NCALD: variants seen among roughly 807,000 people sequenced by gnomAD.
NCALD encodes the protein neurocalcin-delta.
Under a neutral mutation model 18.6 loss-of-function variants are expected in NCALD, and 10 were observed. The observed-to-expected ratio is 0.54, with a 90% CI of 0.33 to 0.91. NCALD has a LOEUF of 0.91. Ranked by LOEUF, NCALD falls within the 40% of genes least tolerant of loss-of-function variation. NCALD has a pLI of 0.03. For synonymous variants in NCALD, 88 were observed against 87.4 expected (o/e 1.01, Z -0.04); for missense variants, 184 against 247.6 (o/e 0.74, Z 1.72).
intron 2 of NCALD, among the ~76,000 whole-genome samples, chr8:101,933,906 G>C (rs943913414): frequency 6.6e-6 from 1 of 152,184 alleles, no homozygotes; most frequent in African/African-American, 2.4e-5. Flanking sequence ...AACCCACAGA[G>C]AGACTTCATA....
intron 4 of NCALD, among the ~76,000 whole-genome samples, chr8:101,855,379 T>C (rs1815271893): frequency 1.3e-5 from 2 of 152,098 alleles, no homozygotes; most frequent in South Asian, 4.1e-4. Flanking sequence ...AAGTGAATCA[T>C]CATAAGATGA....
chr8:102,077,404 G>C (rs553925302), intron 1 of NCALD, among the ~76,000 whole-genome samples: 1 of 152,018 alleles, frequency 6.6e-6, no homozygotes, highest in African/African-American at 2.4e-5. Context: ...CAGAAAAGTA[G>C]GAAGAAATCC....
intron 1 of NCALD, among the ~76,000 whole-genome samples, chr8:102,030,958 A>T (rs756736490): frequency 3.7e-5 from 2 of 54,686 alleles, no homozygotes; most frequent in Admixed American, 2.1e-4. Flanking sequence ...GATAAATGAT[A>T]AAAAAAAAAA....
rs115547242 is a variant in NCALD, at chr8:101,995,220, T to G, written c.-157+25017A>C. Among the ~76,000 whole-genome samples the G allele has an allele frequency of 7.5e-3, 1,142 of 152,254 alleles. 13 individuals are homozygous for G. The highest frequency in any genetic ancestry group is 0.023 in the African/African-American group (943 of 41,522). ...GCTGGCAACTAAGATGCGAGAAGGATCTGAAAATTCAAACCAAAACCATAA... is the reference window on the plus strand; with the variant it reads ...GCTGGCAACTAAGATGCGAGAAGGAGCTGAAAATTCAAACCAAAACCATAA... On this transcript the variant is annotated intron_variant, in intron 2 of 6. Coordinates refer to the NCALD transcript ENST00000311028.
At chr8:101,845,347 G>A (rs1814822702) in intron 4 of NCALD, among the ~76,000 whole-genome samples, 1 of 152,180 alleles carries the variant, frequency 6.6e-6, no homozygotes, top group African/African-American at 2.4e-5. Flanking sequence ...GGCCAGAGGA[G>A]CCAACTTAAA....
intron 4 of NCALD, among the ~76,000 whole-genome samples, chr8:101,857,780 G>T (rs73280809): frequency 0.069 from 10,466 of 152,210 alleles, 760 homozygotes; most frequent in African/African-American, 0.18. Flanking sequence ...TTAAAGCAAT[G>T]AATAAGGTGG....
At chr8:101,765,654 G>A (rs1811317404) in intron 1 of NCALD, among the ~76,000 whole-genome samples, 1 of 152,148 alleles carries the variant, frequency 6.6e-6, no homozygotes, top group Non-Finnish European at 1.5e-5. Flanking sequence ...GGGAGGAGTA[G>A]GAAGGGGGAG....
At chr8:101,995,473 G>A (rs1049978622) in intron 2 of NCALD, among the ~76,000 whole-genome samples, 1 of 152,130 alleles carries the variant, frequency 6.6e-6, no homozygotes, top group Non-Finnish European at 1.5e-5. Flanking sequence ...ATATGCTTCT[G>A]GGGAGGCCTC....
At chr8:101,937,298 C>G (rs557268590) in intron 2 of NCALD, among the ~76,000 whole-genome samples, 1 of 152,168 alleles carries the variant, frequency 6.6e-6, no homozygotes, top group East Asian at 1.9e-4. Context: ...AGGTACTAAG[C>G]CCAGTAGCCA....
At chr8:101,896,295 G>C (rs1817167742) in intron 3 of NCALD, among the ~76,000 whole-genome samples, 2 of 151,962 alleles carry the variant, frequency 1.3e-5, no homozygotes, top group African/African-American at 2.4e-5. Flanking sequence ...GTGGTGCTGG[G>C]AAAACTGGCT....
intron 4 of NCALD, among the ~76,000 whole-genome samples, chr8:101,854,598 C>A (rs1409717175): frequency 1.3e-5 from 2 of 152,046 alleles, no homozygotes; most frequent in Non-Finnish European, 1.5e-5. Context: ...TAGCATAAGA[C>A]CAGAAATTGA....
chr8:101,916,876 C>T (rs1817987314), intron 2 of NCALD, among the ~76,000 whole-genome samples: 2 of 152,062 alleles, frequency 1.3e-5, no homozygotes, highest in Admixed American at 6.6e-5. Flanking sequence ...TCTAGACCTA[C>T]AAAAAGACTC....
rs939629889 is a variant in NCALD at position 101,870,461 on chromosome 8, G to A, written c.-20+16680C>T. Among the ~76,000 whole-genome samples, 4 of 152,296 alleles carry A rather than the reference G, an allele frequency of 2.6e-5. No individual in the cohort carries two copies. In the South Asian group the frequency reaches 8.3e-4, roughly 32 times the overall value. ...AAGAATAAAAATCACATAAAAGAAA[G>A]TGCACTTAATAATCTTTTTTTTGTT... On this transcript the variant is annotated intron_variant, in intron 4 of 6. Transcript: ENST00000311028.
chr8:101,771,205 G>A (rs1389613608), intron 1 of NCALD, among the ~76,000 whole-genome samples: 3 of 152,180 alleles, frequency 2.0e-5, no homozygotes, highest in Non-Finnish European at 4.4e-5. Context: ...CCTTGGCTAG[G>A]ACTGTGTCTG....
chr8:101,798,801 G>A (rs1418152122), intron 4 of NCALD, among the ~76,000 whole-genome samples: 1 of 152,138 alleles, frequency 6.6e-6, no homozygotes, highest in African/African-American at 2.4e-5. Context: ...ACTGGCATAG[G>A]GACAGACATG....
chr8:101,704,945 G>C (rs1407583099), intron 2 of NCALD, among the ~76,000 whole-genome samples: 1 of 151,230 alleles, frequency 6.6e-6, no homozygotes, highest in African/African-American at 2.4e-5. Flanking sequence ...TAAAAAATAG[G>C]CCGGGCGCGG....
At chr8:102,083,945 C>A (rs1318287683) in intron 1 of NCALD, among the ~76,000 whole-genome samples, 5 of 152,338 alleles carry the variant, frequency 3.3e-5, no homozygotes, top group African/African-American at 1.2e-4. Context: ...GGGTATGTAA[C>A]CTTGTGCATC....
intron 4 of NCALD, among the ~76,000 whole-genome samples, chr8:101,870,405 T>C (rs1815956345): frequency 1.3e-5 from 2 of 152,248 alleles, no homozygotes; most frequent in Admixed American, 6.5e-5. Flanking sequence ...GATCCCTTTG[T>C]TCACATAAAG....
chr8:101,757,984 T>C (rs762185979), intron 1 of NCALD, among the ~76,000 whole-genome samples: 13 of 152,118 alleles, frequency 8.5e-5, no homozygotes, highest in Admixed American at 4.6e-4. Context: ...AGAAATGGGG[T>C]CTGGCCATGT....
Sources: allele counts gnomAD v4.1 joint callset (sites outside exome capture counted in the v4.1 genomes callset), GRCh38; gene constraint gnomAD v4.1.1; transcripts MANE v1.5; gene names NCBI Gene and HGNC (gene_info 2026-07-23, HGNC 2026-07-21).